Variants in RTN1 observed in about 807,000 individuals in gnomAD.
RTN1 encodes the protein reticulon 1, also known as reticulon-1.
A neutral mutation model predicts 65.5 loss-of-function variants in RTN1; 25 were observed. That is an observed-to-expected ratio of 0.38 (90% CI 0.28 to 0.53). RTN1 has a LOEUF of 0.53. Ranked by LOEUF, RTN1 falls within the 20% of genes least tolerant of loss-of-function variation. The pLI is 0.79. For missense variants in RTN1, 983 were observed against 1,025.4 expected (o/e 0.96, Z 0.57); for synonymous variants, 471 against 447.6 (o/e 1.05, Z -0.66).
intron 3 of RTN1, among the ~76,000 whole-genome samples, chr14:59,665,423 C>A (rs970295948): frequency 6.6e-6 from 1 of 152,084 alleles, no homozygotes; most frequent in Non-Finnish European, 1.5e-5. Flanking sequence ...GCCTGCCTTA[C>A]AAGAGCTCCT....
At chr14:59,750,312 T>A (rs1204441896) in intron 1 of RTN1, among the ~76,000 whole-genome samples, 4 of 57,146 alleles carry the variant, frequency 7.0e-5, no homozygotes, top group Non-Finnish European at 1.2e-4. Flanking sequence ...ATATAATATA[T>A]AATATCTATA....
chr14:59,802,064 T>C (rs547588754), intron 1 of RTN1, among the ~76,000 whole-genome samples: 1 of 152,336 alleles, frequency 6.6e-6, no homozygotes, highest in African/African-American at 2.4e-5. Context: ...ATTGTGAACA[T>C]TGTGTACACC....
intron 1 of RTN1, among the ~76,000 whole-genome samples, chr14:59,869,265 G>C (rs1887847978): frequency 6.6e-6 from 1 of 151,584 alleles, no homozygotes; most frequent in South Asian, 2.1e-4. Flanking sequence ...ACCACCAAGA[G>C]CACACACACC....
At chr14:59,707,752 C>T (rs1248916978) in intron 3 of RTN1, among the ~76,000 whole-genome samples, 1 of 151,808 alleles carries the variant, frequency 6.6e-6, no homozygotes, top group East Asian at 1.9e-4. Flanking sequence ...CAAATACATA[C>T]ACACAAACAC....
chr14:59,608,450 G>A (rs906165634), intron 3 of RTN1, among the ~76,000 whole-genome samples: 4 of 152,198 alleles, frequency 2.6e-5, no homozygotes, highest in Non-Finnish European at 4.4e-5. Context: ...ATTTTACATG[G>A]GTGTGTAATT....
At position 59,722,433 on chromosome 14, in the gene RTN1, T is replaced by C. The variant is rs115674854; in HGVS notation, c.1765+4486A>G. 7.6e-3 allele frequency among the ~76,000 whole-genome samples: 1,148 copies of C among 151,868 alleles called. 15 individuals carry two copies. Among genetic ancestry groups the C allele is most frequent in the African/African-American group, 0.027 (1,098 of 41,400 alleles). ...TAGGCAGGAGGAAGAAAGACAAGGA[T>C]AGAACTCAGGGACAACACAGAGGAA... On this transcript the variant is annotated intron_variant, in intron 3 of 8. Coordinates refer to ENST00000267484, the MANE Select transcript of RTN1 (RefSeq NM_021136.3).
intron 3 of RTN1, among the ~76,000 whole-genome samples, chr14:59,645,418 A>G (rs910973222): frequency 1.3e-5 from 2 of 152,020 alleles, no homozygotes; most frequent in Non-Finnish European, 2.9e-5. Context: ...TCTATATGTT[A>G]CATGTTTTCT....
chr14:59,743,627 C>T (rs1463197718), intron 2 of RTN1, among the ~76,000 whole-genome samples: 1 of 152,136 alleles, frequency 6.6e-6, no homozygotes, highest in Admixed American at 6.5e-5. Flanking sequence ...CATTACTACC[C>T]AAATCTCAAT....
At chr14:59,704,143 T>A (rs1298819442) in intron 3 of RTN1, among the ~76,000 whole-genome samples, 1 of 152,136 alleles carries the variant, frequency 6.6e-6, no homozygotes, top group Non-Finnish European at 1.5e-5. Context: ...GAGAGTCTGA[T>A]GAAAGTTACG....
intron 1 of RTN1, among the ~76,000 whole-genome samples, chr14:59,806,248 A>T (rs1414578710): frequency 1.3e-5 from 2 of 150,834 alleles, no homozygotes; most frequent in South Asian, 2.1e-4. Context: ...AAATAATAAT[A>T]ATAATAATTA....
intron 3 of RTN1, among the ~76,000 whole-genome samples, chr14:59,704,263 C>T (rs1010873695): frequency 6.6e-6 from 1 of 152,150 alleles, no homozygotes; most frequent in African/African-American, 2.4e-5. Flanking sequence ...AGAACAACCC[C>T]GCCCCCTCAC....
intron 3 of RTN1, among the ~76,000 whole-genome samples, chr14:59,718,453 T>G (rs959104090): frequency 6.6e-6 from 1 of 152,228 alleles, no homozygotes; most frequent in Non-Finnish European, 1.5e-5. Context: ...GAAGCTTTTG[T>G]GATTTCTTGG....
At chr14:59,763,465 G>A (rs963489465) in intron 1 of RTN1, among the ~76,000 whole-genome samples, 1 of 151,668 alleles carries the variant, frequency 6.6e-6, no homozygotes, top group Non-Finnish European at 1.5e-5. Flanking sequence ...GGAAGAAAAA[G>A]GCCAATAAAT....
chr14:59,689,272 T>C (rs138802406), intron 3 of RTN1, among the ~76,000 whole-genome samples: 18 of 152,256 alleles, frequency 1.2e-4, no homozygotes, highest in African/African-American at 3.4e-4. Flanking sequence ...AAAAAGGTAA[T>C]TTTAAAAAGT....
intron 1 of RTN1, among the ~76,000 whole-genome samples, chr14:59,760,036 T>C (rs1885718001): frequency 6.6e-6 from 1 of 152,198 alleles, no homozygotes; most frequent in African/African-American, 2.4e-5. Context: ...CTTGCACATG[T>C]ACAAAATGAA....
chr14:59,610,344 C>A (rs1881909141), intron 3 of RTN1: 4 of 563,278 alleles, frequency 7.1e-6, no homozygotes, highest in South Asian at 4.8e-5. Context: ...AGGAGGTTAA[C>A]AAAAGGACTG....
At chr14:59,858,009 T>A (rs1198239262) in intron 1 of RTN1, among the ~76,000 whole-genome samples, 1 of 152,158 alleles carries the variant, frequency 6.6e-6, no homozygotes, top group East Asian at 1.9e-4. Context: ...ACCCATACAG[T>A]CATGAAATTC....
chr14:59,695,554 G>A (rs1446677530), intron 3 of RTN1, among the ~76,000 whole-genome samples: 1 of 152,156 alleles, frequency 6.6e-6, no homozygotes, highest in African/African-American at 2.4e-5. Flanking sequence ...GCCAAGCTGA[G>A]CAGAGCCCAA....
chr14:59,776,645 CAGAAG>C (rs920764015), intron 1 of RTN1, among the ~76,000 whole-genome samples: 17 of 152,180 alleles, frequency 1.1e-4, no homozygotes, highest in African/African-American at 4.1e-4. Flanking sequence ...TGTTCTCAAC[CAGAAG>C]AGGTTTAGCC....
Sources: allele counts gnomAD v4.1 joint callset (sites outside exome capture counted in the v4.1 genomes callset), GRCh38; gene constraint gnomAD v4.1.1; transcripts MANE v1.5; gene names NCBI Gene and HGNC (gene_info 2026-07-23, HGNC 2026-07-21).